Variants in NTRK3 observed in about 807,000 individuals in gnomAD.
NTRK3 encodes the protein neurotrophic receptor tyrosine kinase 3.
A neutral mutation model predicts 91.7 loss-of-function variants in NTRK3; 24 were observed. That is an observed-to-expected ratio of 0.26 (90% CI 0.19 to 0.37). The LOEUF (loss-of-function observed/expected upper bound fraction) is 0.37, where lower values mean the gene tolerates loss of function less well. Among genes scored for constraint, NTRK3 ranks in the 10% least tolerant of loss-of-function variants. The probability of loss-of-function intolerance (pLI) is 1.00; values close to 1 mark genes in which losing one functional copy is unlikely to be tolerated. For missense variants in NTRK3, 880 were observed against 1,068.9 expected (o/e 0.82, Z 2.46); for synonymous variants, 483 against 404.0 (o/e 1.20, Z -2.34).
chr15:88,013,273 A>G (rs1362622891), intron 14 of NTRK3, among the ~76,000 whole-genome samples: 4 of 152,228 alleles, frequency 2.6e-5, no homozygotes, highest in Non-Finnish European at 4.4e-5. Context: ...TCATACCCGC[A>G]TCTTCCTCTA....
chr15:88,152,400 G>A (rs1326223297), intron 5 of NTRK3, among the ~76,000 whole-genome samples: 1 of 152,190 alleles, frequency 6.6e-6, no homozygotes, highest in Non-Finnish European at 1.5e-5. Flanking sequence ...GTTAAGTAAG[G>A]ACATATGGGT....
chr15:88,049,241 T>C (rs16941178), intron 13 of NTRK3, among the ~76,000 whole-genome samples: 3,491 of 152,298 alleles, frequency 0.023, 124 homozygotes, highest in African/African-American at 0.08. Flanking sequence ...GTATGCCTAG[T>C]CTATTTTAAG....
chr15:87,978,465 G>A (rs368915646), intron 14 of NTRK3: 7 of 228,448 alleles, frequency 3.1e-5, no homozygotes, highest in Admixed American at 5.7e-5. Context: ...AGCCAATCCC[G>A]GGATCATGGG....
At chr15:88,161,314 G>A (rs74027782) in intron 5 of NTRK3, among the ~76,000 whole-genome samples, 236 of 152,252 alleles carry the variant, frequency 1.6e-3, no homozygotes, top group African/African-American at 5.5e-3. Flanking sequence ...GCTGTGTGGG[G>A]GAAGCCAGGG....
chr15:87,864,550 A>T (rs1401843009), exon 19 of NTRK3: 1 of 229,148 alleles, frequency 4.4e-6, no homozygotes, highest in African/African-American at 2.2e-5. Flanking sequence ...TTGTTCAAGG[A>T]AGGCTTTAAC....
intron 17 of NTRK3, among the ~76,000 whole-genome samples, chr15:87,908,943 C>G (rs1438133864): frequency 6.6e-6 from 1 of 152,036 alleles, no homozygotes; most frequent in African/African-American, 2.4e-5. Flanking sequence ...AGCCTCCCAG[C>G]CAACCTACTG....
chr15:87,930,792 T>C (rs1186389230), intron 16 of NTRK3, among the ~76,000 whole-genome samples: 7 of 152,176 alleles, frequency 4.6e-5, no homozygotes, highest in Admixed American at 4.6e-4. Flanking sequence ...TGGAACCTAC[T>C]GGGAATCTGG....
intron 14 of NTRK3, among the ~76,000 whole-genome samples, chr15:87,960,932 C>T (rs1184442596): frequency 6.6e-6 from 1 of 152,190 alleles, no homozygotes; most frequent in Non-Finnish European, 1.5e-5. Context: ...AGCCTCATTT[C>T]ACTCTCACTT....
chr15:87,929,522 GC>G, intron 16 of NTRK3, 88 bp from the exon 17 acceptor site: 1 of 1,490,796 alleles, frequency 6.7e-7, no homozygotes, highest in Admixed American at 2.1e-5. Flanking sequence ...CCTCTGGAAT[GC>G]CCCACAGAAA....
At chr15:87,957,772 C>T (rs1363747212) in intron 14 of NTRK3, among the ~76,000 whole-genome samples, 1 of 152,214 alleles carries the variant, frequency 6.6e-6, no homozygotes. Flanking sequence ...TCATTTTAAG[C>T]TTCTACCAGT....
chr15:88,162,866 G>T (rs2044593326), intron 5 of NTRK3, among the ~76,000 whole-genome samples: 1 of 152,082 alleles, frequency 6.6e-6, no homozygotes, highest in Admixed American at 6.5e-5. Flanking sequence ...CTTCCAGGAG[G>T]ATCAGGGAGA....
intron 3 of NTRK3, among the ~76,000 whole-genome samples, chr15:88,205,269 C>T (rs772475079): frequency 2.0e-4 from 31 of 152,106 alleles, no homozygotes; most frequent in Non-Finnish European, 3.5e-4. Flanking sequence ...CAAGGGATGA[C>T]AGACTTCCCT....
rs191193445 is a variant in NTRK3, at chr15:88,106,707, C to T, written c.1396+19564G>A. The stretch of plus-strand genomic sequence containing the variant: ...AGCACTTTGGGAGGCCAAGGGGGAA[C>T]GGATCATGAGGTCAGGAGTTCGAGA... On this transcript the variant is annotated intron_variant, in intron 13 of 18. Transcript: ENST00000394480. Among the ~76,000 whole-genome samples, 233 of 151,944 alleles carry T rather than the reference C, an allele frequency of 1.5e-3. 5 individuals carry two copies. The highest frequency in any genetic ancestry group is 7.2e-4 in the Admixed American group (11 of 15,266).
At chr15:88,028,700 A>C (rs1234883646) in intron 14 of NTRK3, among the ~76,000 whole-genome samples, 1 of 152,136 alleles carries the variant, frequency 6.6e-6, no homozygotes, top group East Asian at 1.9e-4. Context: ...ATGGGAGCAA[A>C]GGCTGACAAG....
At chr15:87,926,063 G>T (rs1480137230) in intron 17 of NTRK3, among the ~76,000 whole-genome samples, 2 of 152,192 alleles carry the variant, frequency 1.3e-5, no homozygotes, top group African/African-American at 4.8e-5. Context: ...TTGAACAGAG[G>T]TTAGAGGAAA....
At chr15:87,950,516 C>A (rs903928426) in intron 14 of NTRK3, among the ~76,000 whole-genome samples, 2 of 152,148 alleles carry the variant, frequency 1.3e-5, no homozygotes, top group African/African-American at 4.8e-5. Context: ...ACACCAGGAT[C>A]AGAGTAAGGG....
chr15:88,187,387 G>A (rs1294770270), intron 3 of NTRK3, among the ~76,000 whole-genome samples: 1 of 152,210 alleles, frequency 6.6e-6, no homozygotes, highest in Non-Finnish European at 1.5e-5. Flanking sequence ...CACCTGCCAA[G>A]TTCTCCTATG....
chr15:88,051,093 A>C (rs917472500), intron 13 of NTRK3, among the ~76,000 whole-genome samples: 3 of 152,146 alleles, frequency 2.0e-5, no homozygotes, highest in African/African-American at 7.2e-5. Context: ...TTCACTAACC[A>C]CATCTCCTAC....
intron 14 of NTRK3, among the ~76,000 whole-genome samples, chr15:88,020,499 G>C (rs958726813): frequency 6.6e-6 from 1 of 152,136 alleles, no homozygotes; most frequent in Non-Finnish European, 1.5e-5. Flanking sequence ...ATATTTTTCA[G>C]TACCATCAAG....
Sources: allele counts gnomAD v4.1 joint callset (sites outside exome capture counted in the v4.1 genomes callset), GRCh38; gene constraint gnomAD v4.1.1; transcripts MANE v1.5; gene names NCBI Gene and HGNC (gene_info 2026-07-23, HGNC 2026-07-21).